RIN2: variants seen among roughly 807,000 people sequenced by gnomAD.
RIN2 encodes Ras and Rab interactor 2.
Under a neutral mutation model 78.0 loss-of-function variants are expected in RIN2, and 36 were observed. That is an observed-to-expected ratio of 0.46 (90% CI 0.35 to 0.61). RIN2 has a LOEUF of 0.61. Ranked by LOEUF, RIN2 falls within the 20% of genes least tolerant of loss-of-function variation. The pLI is 0.00. For synonymous variants in RIN2, 466 were observed against 466.8 expected (o/e 1.00, Z 0.02); for missense variants, 1,087 against 1,159.7 (o/e 0.94, Z 0.91).
At chr20:19,965,122 T>C (rs2146278112) in intron 7 of RIN2, 98 bp downstream of exon 7, 1 of 951,402 alleles carries the variant, frequency 1.1e-6, no homozygotes, top group East Asian at 2.4e-5. Flanking sequence ...GCTGGCCACC[T>C]ATTTGATGTT....
intron 7 of RIN2, among the ~76,000 whole-genome samples, chr20:19,966,676 C>A (rs2041949713): frequency 6.6e-6 from 1 of 152,100 alleles, no homozygotes; most frequent in South Asian, 2.1e-4. Flanking sequence ...TGAAGCCACA[C>A]AATAAATGGC....
chr20:19,762,103 G>C (rs1207738200), intron 1 of RIN2, among the ~76,000 whole-genome samples: 1 of 152,182 alleles, frequency 6.6e-6, no homozygotes, highest in Non-Finnish European at 1.5e-5. Context: ...TGAAAAGTAA[G>C]TAAATGTCAC....
chr20:19,889,776 G>A (rs2038360361), intron 3 of RIN2, 118 bp downstream of exon 3: 2 of 776,100 alleles, frequency 2.6e-6, no homozygotes, highest in East Asian at 6.0e-5. Flanking sequence ...ACCGGCTAAG[G>A]GAGCTTGCCC....
intron 2 of RIN2, among the ~76,000 whole-genome samples, chr20:19,835,900 G>T (rs2036406724): frequency 6.6e-6 from 1 of 152,168 alleles, no homozygotes; most frequent in Non-Finnish European, 1.5e-5. Context: ...CTCCTCTAAG[G>T]ATGACAGTCG....
At chr20:19,850,913 G>T (rs1457039861) in intron 2 of RIN2, among the ~76,000 whole-genome samples, 1 of 151,874 alleles carries the variant, frequency 6.6e-6, no homozygotes, top group Non-Finnish European at 1.5e-5. Context: ...TGCAGAAATT[G>T]CAGTAAGCCA....
chr20:19,833,134 T>G (rs2036298625), intron 2 of RIN2, among the ~76,000 whole-genome samples: 1 of 152,206 alleles, frequency 6.6e-6, no homozygotes, highest in African/African-American at 2.4e-5. Flanking sequence ...TGCTTCCCTG[T>G]GTGGCCCCTG....
chr20:19,902,280 G>T (rs146995407), intron 3 of RIN2, among the ~76,000 whole-genome samples: 3 of 152,244 alleles, frequency 2.0e-5, no homozygotes, highest in African/African-American at 7.2e-5. Flanking sequence ...TTGAGTCCTT[G>T]AGATGCTGAC....
At chr20:19,816,369 G>T (rs1424085009) in intron 2 of RIN2, among the ~76,000 whole-genome samples, 3 of 151,998 alleles carry the variant, frequency 2.0e-5, no homozygotes, top group African/African-American at 7.3e-5. Flanking sequence ...ACCTGAAGGG[G>T]CTTTGGCGGC....
At chr20:19,930,276 G>A (rs2146096438) in intron 3 of RIN2, among the ~76,000 whole-genome samples, 1 of 152,316 alleles carries the variant, frequency 6.6e-6, no homozygotes, top group African/African-American at 2.4e-5. Flanking sequence ...CTAGAGATAG[G>A]TGGCATGGCA....
intron 3 of RIN2, among the ~76,000 whole-genome samples, chr20:19,909,991 A>G (rs2039391927): frequency 6.6e-6 from 1 of 152,196 alleles, no homozygotes; most frequent in South Asian, 2.1e-4. Flanking sequence ...CCAAGTGTCC[A>G]TCAACGCAGA....
intron 4 of RIN2, among the ~76,000 whole-genome samples, chr20:19,949,954 C>A (rs560242811): frequency 6.6e-6 from 1 of 152,198 alleles, no homozygotes; most frequent in East Asian, 1.9e-4. Flanking sequence ...GAGCTTTCTG[C>A]AATCACTTAC....
intron 2 of RIN2, chr20:19,809,692 A>C (rs117853274): frequency 6.6e-6 from 1 of 152,446 alleles, no homozygotes; most frequent in East Asian, 1.9e-4. Flanking sequence ...CCGAAGCTAC[A>C]GCCGACGCTT....
chr20:19,844,434 ATTGTAACTC>A (rs1373008490), intron 2 of RIN2, among the ~76,000 whole-genome samples: 1 of 152,172 alleles, frequency 6.6e-6, no homozygotes, highest in Non-Finnish European at 1.5e-5. Context: ...ACATTAGCCT[ATTGTAACTC>A]AGAAAAGTCT....
At chr20:19,870,055 T>C (rs900978991) in intron 2 of RIN2, among the ~76,000 whole-genome samples, 9 of 152,104 alleles carry the variant, frequency 5.9e-5, no homozygotes, top group Admixed American at 4.6e-4. Context: ...TTTTGCCCCA[T>C]TTCCTGTATC....
Position 19,950,174 on chromosome 20 carries a change from G to A in RIN2, c.159-6441G>A, listed in dbSNP as rs557842788. Among the ~76,000 whole-genome samples the A allele has an allele frequency of 3.1e-4, 47 of 152,316 alleles. No homozygotes were observed. The South Asian group carries it at 9.3e-3, about 30-fold the overall frequency. ...ATGAGGCCCAGGTTTGGTTGTAATTGGAATGGGTGGAGGCTGTGACTTTTG... is the reference window on the plus strand; with the variant it reads ...ATGAGGCCCAGGTTTGGTTGTAATTAGAATGGGTGGAGGCTGTGACTTTTG... On this transcript the variant is annotated intron_variant, in intron 4 of 12. Coordinates refer to ENST00000255006, the MANE Select transcript of RIN2 (RefSeq NM_018993.4).
chr20:19,805,163 T>G (rs1035303231), intron 2 of RIN2, among the ~76,000 whole-genome samples: 3 of 152,150 alleles, frequency 2.0e-5, no homozygotes, highest in Non-Finnish European at 2.9e-5. Flanking sequence ...GAGACTTAGC[T>G]TTGGTCAAAA....
chr20:19,928,559 C>T (rs13041555), intron 3 of RIN2, among the ~76,000 whole-genome samples: 13,812 of 152,224 alleles, frequency 0.091, 1,070 homozygotes, highest in African/African-American at 0.21. Context: ...CTGCACCAGA[C>T]TGGAACTCAG....
At chr20:19,951,683 G>A (rs1161722660) in intron 4 of RIN2, among the ~76,000 whole-genome samples, 1 of 152,134 alleles carries the variant, frequency 6.6e-6, no homozygotes. Flanking sequence ...ATTACTACCT[G>A]GTGGTGAAGG....
chr20:19,796,705 T>A (rs945370537), intron 1 of RIN2, among the ~76,000 whole-genome samples: 6 of 152,186 alleles, frequency 3.9e-5, no homozygotes, highest in Admixed American at 1.3e-4. Flanking sequence ...CCAAATTGAT[T>A]TGGGATGTAC....
Sources: allele counts gnomAD v4.1 joint callset (sites outside exome capture counted in the v4.1 genomes callset), GRCh38; gene constraint gnomAD v4.1.1; transcripts MANE v1.5; gene names NCBI Gene and HGNC (gene_info 2026-07-23, HGNC 2026-07-21).